The following CCDC50 variants were observed in gnomAD, a reference collection of about 807,000 sequenced individuals.
CCDC50 encodes the protein coiled-coil domain containing 50.
Under a neutral mutation model 70.2 loss-of-function variants are expected in CCDC50, and 54 were observed. That is an observed-to-expected ratio of 0.77 (90% confidence interval 0.62 to 0.96). CCDC50 has a LOEUF of 0.96. Among genes scored for constraint, CCDC50 ranks in the 50% least tolerant of loss-of-function variants. CCDC50 has a pLI of 0.00. For missense variants in CCDC50, 558 were observed against 578.7 expected, an observed-to-expected ratio of 0.96 and a Z score of 0.37; for synonymous variants, 216 against 198.8, an observed-to-expected ratio of 1.09 and a Z score of -0.73.
Position 191,334,500 on chromosome 3 carries a change from G to A in CCDC50, c.49+4777G>A, listed in dbSNP as rs185459855. On this transcript the variant is annotated intron_variant, in intron 1 of 11. Transcript: ENST00000392455. ...GAAAGCACTAAAAACCACTGTTCTA[G>A]GCCAACTTCCTTATTTTCCAGATGA... Among the ~76,000 whole-genome samples the A allele has an allele frequency of 6.0e-3, 907 of 152,178 alleles. 10 individuals carry two copies. Among genetic ancestry groups the A allele is most frequent in the African/African-American group, 0.02 (845 of 41,538 alleles).
chr3:191,363,941 CTTAT>C (rs1712584170), intron 4 of CCDC50, among the ~76,000 whole-genome samples: 2 of 152,132 alleles, frequency 1.3e-5, no homozygotes, highest in South Asian at 4.2e-4. Flanking sequence ...TATGAAAATG[CTTAT>C]TTATTTTAGT....
At chr3:191,364,956 T>A (rs1161661920) in intron 4 of CCDC50, among the ~76,000 whole-genome samples, 1 of 152,092 alleles carries the variant, frequency 6.6e-6, no homozygotes, top group Non-Finnish European at 1.5e-5. Context: ...GGAAGGAGCT[T>A]GTAGACTTTG....
chr3:191,344,693 C>G, intron 1 of CCDC50, among the ~76,000 whole-genome samples: 1 of 152,168 alleles, frequency 6.6e-6, no homozygotes, highest in East Asian at 1.9e-4. Context: ...ATTCTCCTGC[C>G]TCAGCCTCCT....
At chr3:191,368,310 C>G (rs939033636) in intron 4 of CCDC50, among the ~76,000 whole-genome samples, 10 of 152,062 alleles carry the variant, frequency 6.6e-5, no homozygotes, top group African/African-American at 2.4e-4. Context: ...ACCTCTCCCT[C>G]TGAGTTGCAT....
intron 3 of CCDC50, among the ~76,000 whole-genome samples, chr3:191,360,150 C>A (rs1008668388): frequency 6.6e-6 from 1 of 152,186 alleles, no homozygotes; most frequent in Non-Finnish European, 1.5e-5. Flanking sequence ...TCTGGATACC[C>A]GGGCTGCCGT....
At chr3:191,368,270 C>T (rs1205662521) in intron 4 of CCDC50, among the ~76,000 whole-genome samples, 1 of 151,912 alleles carries the variant, frequency 6.6e-6, no homozygotes, top group African/African-American at 2.4e-5. Flanking sequence ...GAAAAGTATA[C>T]TTATGTTAAG....
intron 11 of CCDC50, among the ~76,000 whole-genome samples, chr3:191,389,914 G>T (rs1459932212): frequency 7.9e-6 from 1 of 125,974 alleles, no homozygotes; most frequent in Non-Finnish European, 1.6e-5. Flanking sequence ...AGGCTGGAAT[G>T]CAGTGGCATG....
intron 1 of CCDC50, among the ~76,000 whole-genome samples, chr3:191,349,169 T>A (rs1712023593): frequency 7.1e-6 from 1 of 141,268 alleles, no homozygotes; most frequent in African/African-American, 2.5e-5. Flanking sequence ...ATATAAAGAT[T>A]GCTGGGGTTG....
At chr3:191,352,894 A>G (rs1337589556) in intron 1 of CCDC50, among the ~76,000 whole-genome samples, 2 of 142,336 alleles carry the variant, frequency 1.4e-5, no homozygotes, top group Admixed American at 7.2e-5. Context: ...ATAATAGCAG[A>G]GTTTAATTCT....
At chr3:191,370,840 T>G (rs1053599595) in intron 5 of CCDC50, among the ~76,000 whole-genome samples, 50 of 152,116 alleles carry the variant, frequency 3.3e-4, no homozygotes, top group African/African-American at 1.1e-3. Flanking sequence ...TGGCTAAAAT[T>G]TGAATATGAT....
At chr3:191,358,219 T>C in intron 3 of CCDC50, 95 bp downstream of exon 3, 1 of 1,400,552 alleles carries the variant, frequency 7.1e-7, no homozygotes, top group Non-Finnish European at 1.0e-6. Flanking sequence ...CTTCTGTTCC[T>C]CTGATTCCTT....
At chr3:191,342,597 A>G (rs756109386) in intron 1 of CCDC50, among the ~76,000 whole-genome samples, 5 of 152,236 alleles carry the variant, frequency 3.3e-5, no homozygotes, top group South Asian at 2.1e-4. Context: ...TTTAATGGGC[A>G]TGGCTGGGTT....
rs1713699624 is a variant in CCDC50 at position 191,391,734 on chromosome 3, T to C, written c.1430-7T>C. ...AATTGTGTTTCCTTTTTTCTTCCCCTCCCCAGGTTTTCATTACAAACATTA... is the reference window on the plus strand; with the variant it reads ...AATTGTGTTTCCTTTTTTCTTCCCCCCCCCAGGTTTTCATTACAAACATTA... On this transcript the variant is annotated splice_polypyrimidine_tract_variant and splice_region_variant and intron_variant, in intron 11 of 11. Transcript: ENST00000392455. 6.2e-7 allele frequency: 1 copy of C among 1,612,642 alleles called. No homozygotes were observed. Among genetic ancestry groups the C allele is most frequent in the African/African-American group, 1.3e-5 (1 of 74,884 alleles).
At chr3:191,344,464 C>T (rs768089404) in intron 1 of CCDC50, among the ~76,000 whole-genome samples, 1 of 152,098 alleles carries the variant, frequency 6.6e-6, no homozygotes, top group Non-Finnish European at 1.5e-5. Context: ...ATATGATTGG[C>T]GGCTACCATA....
In CCDC50 at chr3:191,392,952, G is replaced by C. The variant is rs919824915; in HGVS notation, c.*1192G>C. 6.6e-6 allele frequency: 1 copy of C among 152,198 alleles called. No homozygotes were observed. Among genetic ancestry groups the C allele is most frequent in the African/African-American group, 2.4e-5 (1 of 41,420 alleles). The allele number at this position is 152,198 out of a possible 1,614,324, so 9.4% of individuals were successfully genotyped here. On this transcript the variant is annotated 3_prime_UTR_variant, in exon 12 of 12. Coordinates refer to ENST00000392455, the MANE Select transcript of CCDC50 (RefSeq NM_178335.3). Reference sequence around the variant, plus strand: ...CGGGTTTCACCATGTTGGCCAGGCTGGTCTCGAACCCCTGACCTCAAGTGA... The same window carrying C: ...CGGGTTTCACCATGTTGGCCAGGCTCGTCTCGAACCCCTGACCTCAAGTGA...
chr3:191,355,807 C>G (rs1712258672), intron 1 of CCDC50, among the ~76,000 whole-genome samples: 1 of 152,140 alleles, frequency 6.6e-6, no homozygotes, highest in Non-Finnish European at 1.5e-5. Context: ...AGGTTGTATC[C>G]AGTTGAATAT....
chr3:191,329,731 C>T lies in CCDC50; in HGVS notation c.49+8C>T, dbSNP rs759274331. Reference sequence around the variant, plus strand: ...TGCCTGGAGTCAAGGAAGGTAAGGGCCCCGGAGGGAGAGCGCGCGGGACCC... The same window carrying T: ...TGCCTGGAGTCAAGGAAGGTAAGGGTCCCGGAGGGAGAGCGCGCGGGACCC... On this transcript the variant is annotated splice_region_variant and intron_variant, in intron 1 of 11. Transcript: ENST00000392455. 9 of 1,608,512 alleles carry T rather than the reference C, an allele frequency of 5.6e-6. No individual in the cohort carries two copies. Among genetic ancestry groups the T allele is most frequent in the East Asian group, 2.2e-5 (1 of 44,632 alleles).
chr3:191,368,078 A>G (rs1280706030), intron 4 of CCDC50, among the ~76,000 whole-genome samples: 3 of 152,036 alleles, frequency 2.0e-5, no homozygotes, highest in Non-Finnish European at 4.4e-5. Flanking sequence ...AATAGTTCAA[A>G]CTTTCTATTG....
chr3:191,367,743 G>A (rs1168370191), intron 4 of CCDC50, among the ~76,000 whole-genome samples: 2 of 152,012 alleles, frequency 1.3e-5, no homozygotes, highest in Admixed American at 6.6e-5. Context: ...CTCAGTTATA[G>A]CAGGGGAAAT....
Sources: allele counts gnomAD v4.1 joint callset (sites outside exome capture counted in the v4.1 genomes callset), GRCh38; gene constraint gnomAD v4.1.1; transcripts MANE v1.5; gene names NCBI Gene and HGNC (gene_info 2026-07-23, HGNC 2026-07-21).